Variants in ZNRF2 observed in about 807,000 individuals in gnomAD.
The protein encoded by ZNRF2 is zinc and ring finger 2, also known as E3 ubiquitin-protein ligase ZNRF2.
ZNRF2 carries 16 observed loss-of-function variants against 20.4 expected under a neutral mutation model. That is an observed-to-expected ratio of 0.79 (90% CI 0.53 to 1.19). The LOEUF (loss-of-function observed/expected upper bound fraction) is 1.19, where lower values mean the gene tolerates loss of function less well. ZNRF2 is among the 50% of genes most tolerant of loss of function. ZNRF2 has a pLI of 0.00. For missense variants in ZNRF2, 363 were observed against 332.4 expected (o/e 1.09, Z -0.72); for synonymous variants, 178 against 144.9 (o/e 1.23, Z -1.64).
intron 1 of ZNRF2, among the ~76,000 whole-genome samples, chr7:30,301,355 C>T (rs887504065): frequency 3.9e-5 from 6 of 152,082 alleles, no homozygotes; most frequent in East Asian, 1.9e-4. Context: ...TGGTGGCACA[C>T]ACCTGTAATC....
chr7:30,299,278 G>A (rs911825136), intron 1 of ZNRF2, among the ~76,000 whole-genome samples: 6 of 152,102 alleles, frequency 3.9e-5, no homozygotes, highest in African/African-American at 7.2e-5. Flanking sequence ...AATTAGCCGA[G>A]CGTAGTGACG....
chr7:30,319,075 T>G (rs1047039183), intron 1 of ZNRF2, among the ~76,000 whole-genome samples: 15 of 151,118 alleles, frequency 9.9e-5, no homozygotes, highest in Non-Finnish European at 2.2e-4. Flanking sequence ...TTGCGCCACT[T>G]CACTCCAGCC....
intron 4 of ZNRF2, among the ~76,000 whole-genome samples, chr7:30,363,110 G>A (rs896628403): frequency 1.3e-5 from 2 of 152,006 alleles, no homozygotes; most frequent in Admixed American, 1.3e-4. Context: ...GACAGAGCGA[G>A]TCTCCTTCTC....
chr7:30,343,911 C>G (rs1374943287), intron 2 of ZNRF2, among the ~76,000 whole-genome samples: 9 of 81,514 alleles, frequency 1.1e-4, no homozygotes, highest in African/African-American at 4.3e-4. Flanking sequence ...GGGTGGCCAG[C>G]TTTTTTTTTT....
At chr7:30,330,817 G>A in intron 2 of ZNRF2, among the ~76,000 whole-genome samples, 1 of 151,652 alleles carries the variant, frequency 6.6e-6, no homozygotes, top group East Asian at 1.9e-4. Flanking sequence ...TTTTAAATAA[G>A]AAAGTCTAAG....
At chr7:30,321,448 T>A (rs1027843564) in intron 1 of ZNRF2, among the ~76,000 whole-genome samples, 6 of 152,128 alleles carry the variant, frequency 3.9e-5, no homozygotes, top group Non-Finnish European at 8.8e-5. Flanking sequence ...CTTTAACTCA[T>A]TTTTATTAAA....
intron 1 of ZNRF2, among the ~76,000 whole-genome samples, chr7:30,302,334 T>G (rs200432880): frequency 6.6e-6 from 1 of 152,184 alleles, no homozygotes; most frequent in Non-Finnish European, 1.5e-5. Context: ...ATGCATAGTC[T>G]CTGTATCTTA....
At chr7:30,296,258 C>T (rs1799018577) in intron 1 of ZNRF2, among the ~76,000 whole-genome samples, 1 of 152,014 alleles carries the variant, frequency 6.6e-6, no homozygotes, top group African/African-American at 2.4e-5. Flanking sequence ...ATAGATTGTA[C>T]AAATGGAGGC....
chr7:30,293,762 A>T (rs1798957020), intron 1 of ZNRF2, among the ~76,000 whole-genome samples: 1 of 152,214 alleles, frequency 6.6e-6, no homozygotes, highest in Non-Finnish European at 1.5e-5. Context: ...GAGTAATGTC[A>T]CCTATCAGAG....
intron 2 of ZNRF2, among the ~76,000 whole-genome samples, chr7:30,338,425 C>G (rs567812032): frequency 1.6e-5 from 2 of 125,214 alleles, no homozygotes; most frequent in Admixed American, 1.6e-4. Flanking sequence ...CTCCCCTAGC[C>G]CCCCCCCACC....
intron 1 of ZNRF2, among the ~76,000 whole-genome samples, chr7:30,310,370 G>A (rs920134539): frequency 6.6e-6 from 1 of 152,132 alleles, no homozygotes. Context: ...TGGATATTTT[G>A]AACAGTTCTT....
chr7:30,340,172 A>G (rs1799773185), intron 2 of ZNRF2, among the ~76,000 whole-genome samples: 2 of 152,230 alleles, frequency 1.3e-5, no homozygotes, highest in South Asian at 4.1e-4. Context: ...GTTTCTAAAT[A>G]TACAATCATG....
Position 30,300,928 on chromosome 7 carries a change from T to C in ZNRF2, c.469+15102T>C, listed in dbSNP as rs149198841. 3.0e-4 allele frequency among the ~76,000 whole-genome samples: 45 copies of C among 152,348 alleles called. 1 individual carries two copies. The highest frequency in any genetic ancestry group is 1.7e-3 in the East Asian group (9 of 5,184). Reference sequence around the variant, plus strand: ...AGGATGTATAAATGAATCAAACAATTTAACTGTAATCCACAATTACAGCTG... The same window carrying C: ...AGGATGTATAAATGAATCAAACAATCTAACTGTAATCCACAATTACAGCTG... On this transcript the variant is annotated intron_variant, in intron 1 of 4. Coordinates refer to ENST00000323037, the MANE Select transcript of ZNRF2 (RefSeq NM_147128.4).
intron 1 of ZNRF2, among the ~76,000 whole-genome samples, chr7:30,311,139 G>A (rs7804225): frequency 0.1 from 15,929 of 152,096 alleles, 2,553 homozygotes; most frequent in African/African-American, 0.35. Flanking sequence ...GTAAAACCCC[G>A]TGTTTTGTTT....
rs77896348 is a variant in ZNRF2, at chr7:30,362,087, A to G, written c.672-290A>G. Among the ~76,000 whole-genome samples the G allele has an allele frequency of 6.7e-3, 1,015 of 152,314 alleles. 14 individuals are homozygous for G. Among genetic ancestry groups the G allele is most frequent in the African/African-American group, 0.024 (977 of 41,574 alleles). On this transcript the variant is annotated intron_variant, in intron 3 of 4. Coordinates refer to ENST00000323037, the MANE Select transcript of ZNRF2 (RefSeq NM_147128.4). ...AAAAGAAAAATTATGCAAATTTGTT[A>G]TTCAGTTTTGAATATTGGTAAAGTG...
intron 4 of ZNRF2, among the ~76,000 whole-genome samples, chr7:30,363,562 C>G (rs1296276553): frequency 6.6e-6 from 1 of 152,046 alleles, no homozygotes; most frequent in Non-Finnish European, 1.5e-5. Context: ...TTTATTCATT[C>G]AATTTAATCA....
intron 2 of ZNRF2, among the ~76,000 whole-genome samples, chr7:30,348,382 G>A (rs1799910742): frequency 6.6e-6 from 1 of 152,148 alleles, no homozygotes; most frequent in Admixed American, 6.6e-5. Flanking sequence ...TGAGCACTTA[G>A]AATGTGCAAA....
At chr7:30,325,129 G>GA (rs146796101) in intron 2 of ZNRF2, among the ~76,000 whole-genome samples, 1,775 of 151,978 alleles carry the variant, frequency 0.012, 17 homozygotes, top group South Asian at 0.036. Context: ...GAATAGACTT[G>GA]GGGGGGAAAA....
chr7:30,285,604 C>G lies in ZNRF2; in HGVS notation c.247C>G (p.Leu83Val), dbSNP rs1256386645. 2.6e-6 allele frequency: 3 copies of G among 1,166,840 alleles called. No homozygotes were observed. Among genetic ancestry groups the G allele is most frequent in the Non-Finnish European group, 2.1e-6 (2 of 947,450 alleles). The allele number at this position is 1,166,840 out of a possible 1,614,324, so 72.3% of individuals were successfully genotyped here. The change falls in exon 1 of 5, where the codon CTC becomes GTC. Residue 83 changes from leucine to valine, a missense_variant. Around this residue, in one of 2 missense-constraint regions of ZNRF2, gnomAD observed 302 missense variants for 231.5 expected, o/e 1.30. Transcript: ENST00000323037. ...AAPAAPRSRS[L>V]GGAVGSVASG... ...CCCGGCGGCCCCGCGCAGCCGCTCC[C>G]TCGGCGGGGCCGTGGGGAGCGTGGC... is the stretch of plus-strand genomic sequence containing the variant.
Sources: allele counts gnomAD v4.1 joint callset (sites outside exome capture counted in the v4.1 genomes callset), GRCh38; gene constraint gnomAD v4.1.1; regional missense constraint gnomAD v4.1.1; transcripts MANE v1.5; gene names NCBI Gene and HGNC (gene_info 2026-07-23, HGNC 2026-07-21).